The following SACS variants were observed in gnomAD, a reference collection of about 807,000 sequenced individuals.
The protein encoded by SACS is sacsin molecular chaperone, also known as sacsin.
Under a neutral mutation model 348.0 loss-of-function variants are expected in SACS, and 197 were observed. The ratio of observed to expected loss-of-function variants is 0.57; its 90% CI spans 0.50 to 0.64. The LOEUF is 0.64. Ranked by LOEUF, SACS falls within the 30% of genes least tolerant of loss-of-function variation. The pLI is 0.00. For missense variants in SACS, 4,999 were observed against 5,360.8 expected (o/e 0.93, Z 2.11); for synonymous variants, 1,985 against 1,910.6 (o/e 1.04, Z -1.02).
intron 2 of SACS, among the ~76,000 whole-genome samples, chr13:23,395,319 T>C (rs1872671992): frequency 6.6e-6 from 1 of 152,196 alleles, no homozygotes; most frequent in African/African-American, 2.4e-5. Context: ...CTAGGGCCAC[T>C]AGGGCATGCA....
intron 9 of SACS, among the ~76,000 whole-genome samples, chr13:23,342,959 C>T (rs1869362115): frequency 6.6e-6 from 1 of 152,196 alleles, no homozygotes; most frequent in Non-Finnish European, 1.5e-5. Flanking sequence ...AAATACAGAG[C>T]ATATTTACAA....
At chr13:23,410,747 T>A (rs1169272075) in intron 2 of SACS, among the ~76,000 whole-genome samples, 1 of 152,190 alleles carries the variant, frequency 6.6e-6, no homozygotes. Context: ...AGATAGCAAC[T>A]AAATTTGAGA....
At position 23,433,273 on chromosome 13, in the gene SACS, G is replaced by A. The variant is rs1047002205; in HGVS notation, c.-502+342C>T. ...CCCGGGTGGAAATTAAAATGACAAA[G>A]CGGCTAGTCCAGCATCTTGACCGCG... On this transcript the variant is annotated intron_variant, in intron 1 of 9. Transcript: ENST00000382292. Among the ~76,000 whole-genome samples the A allele has an allele frequency of 2.6e-5, 4 of 152,126 alleles. No individual in the cohort carries two copies. The East Asian group carries it at 7.7e-4, about 29-fold the overall frequency.
intron 9 of SACS, among the ~76,000 whole-genome samples, chr13:23,347,091 A>T (rs1869654748): frequency 1.3e-5 from 2 of 152,234 alleles, no homozygotes; most frequent in African/African-American, 4.8e-5. Flanking sequence ...AAGCAAAGAA[A>T]GAATTATGGA....
intron 9 of SACS, among the ~76,000 whole-genome samples, chr13:23,342,598 G>A (rs1869338658): frequency 6.6e-6 from 1 of 152,180 alleles, no homozygotes; most frequent in East Asian, 1.9e-4. Context: ...TGAGTGTCAT[G>A]TAGATACTTG....
intron 2 of SACS, among the ~76,000 whole-genome samples, chr13:23,383,038 C>A (rs960382425): frequency 6.9e-6 from 1 of 145,074 alleles, no homozygotes; most frequent in African/African-American, 2.6e-5. Flanking sequence ...TTTTTAAATT[C>A]ATTGGTAATT....
At position 23,410,753 on chromosome 13, in the gene SACS, T is replaced by C. The variant is rs1276618567; in HGVS notation, c.20+467A>G. Among the ~76,000 whole-genome samples, 2 of 152,194 alleles carry C rather than the reference T, an allele frequency of 1.3e-5. 1 individual carries two copies. Among genetic ancestry groups the C allele is most frequent in the African/African-American group, 4.8e-5 (2 of 41,464 alleles). On this transcript the variant is annotated intron_variant, in intron 2 of 9. Transcript: ENST00000382292. ...ATTCTTATAAGATAGCAACTAAATT[T>C]GAGAAAAAGAGCAAGCATTATATTT...
Position 23,355,376 on chromosome 13 carries a change from A to G in SACS, c.1236T>C (p.Asp412=), listed in dbSNP as rs752472671. 3 of 1,614,152 alleles carry G rather than the reference A, an allele frequency of 1.9e-6. No individual in the cohort carries two copies. The highest frequency in any genetic ancestry group is 1.7e-6 in the Non-Finnish European group (2 of 1,180,040). Residue 412 remains aspartate (D), a synonymous_variant, in exon 8 of 10, where the codon GAT becomes GAC. Coordinates refer to ENST00000382292, the MANE Select transcript of SACS (RefSeq NM_014363.6). ...GISSKLDSLA[D]ELKFVPIIGI... The stretch of plus-strand genomic sequence containing the variant: ...CAATGATTGGGACAAATTTCAGTTC[A>G]TCAGCTAAAGAGTCAAGCTTACTAC...
At chr13:23,417,279 T>C (rs1416586859) in intron 1 of SACS, among the ~76,000 whole-genome samples, 2 of 152,216 alleles carry the variant, frequency 1.3e-5, no homozygotes, top group African/African-American at 4.8e-5. Flanking sequence ...AAATTGATCT[T>C]GTAATTCAAA....
intron 9 of SACS, among the ~76,000 whole-genome samples, chr13:23,352,476 G>A (rs1870024476): frequency 6.6e-6 from 1 of 152,180 alleles, no homozygotes; most frequent in African/African-American, 2.4e-5. Context: ...TTTGGGGCTG[G>A]TAATCTTCTG....
chr13:23,340,745 T>C lies in SACS; in HGVS notation c.3131A>G (p.Gln1044Arg). The C allele has an allele frequency of 6.2e-7, 1 of 1,604,130 alleles. No homozygotes were observed. The highest frequency in any genetic ancestry group is 8.5e-7 in the Non-Finnish European group (1 of 1,176,108). Residue 1044 changes from glutamine (Q) to arginine (R), a missense_variant, in exon 10 of 10, where the codon CAG becomes CGG. This residue lies in a region of SACS where 3,156 missense variants were observed against 3,380.1 expected (regional missense o/e 0.93). Transcript: ENST00000382292. The stretch of plus-strand genomic sequence containing the variant: ...TTCACCAGCTGATACCATCTGTTCC[T>C]GTGATATCTGGATGAATTTTAATGG... ...LTPLKFIQIS[Q>R]EQMVSAGELF...
intron 2 of SACS, among the ~76,000 whole-genome samples, chr13:23,406,196 A>G (rs998401285): frequency 6.6e-6 from 1 of 152,234 alleles, no homozygotes; most frequent in Non-Finnish European, 1.5e-5. Context: ...AATACTATGC[A>G]GCCATAAAAA....
chr13:23,403,421 T>C (rs1312691935), intron 2 of SACS, among the ~76,000 whole-genome samples: 1 of 152,240 alleles, frequency 6.6e-6, no homozygotes, highest in Non-Finnish European at 1.5e-5. Context: ...TCTGCCTCAA[T>C]GTCAGAACTT....
At chr13:23,348,195 A>G (rs1869733590) in intron 9 of SACS, among the ~76,000 whole-genome samples, 1 of 152,184 alleles carries the variant, frequency 6.6e-6, no homozygotes, top group African/African-American at 2.4e-5. Flanking sequence ...AAAAAACAAA[A>G]ATCATAGCTT....
intron 3 of SACS, among the ~76,000 whole-genome samples, chr13:23,371,659 C>T (rs1026228501): frequency 1.3e-5 from 2 of 152,208 alleles, no homozygotes; most frequent in Admixed American, 1.3e-4. Context: ...TGAATGTAAA[C>T]AGCATATTGT....
intron 2 of SACS, among the ~76,000 whole-genome samples, chr13:23,380,122 C>CGTGTGTGTGTGTGTGT (rs34243922): frequency 0.021 from 2,467 of 116,162 alleles, 29 homozygotes; most frequent in East Asian, 0.031. Flanking sequence ...GGGATTCCCT[C>CGTGTGTGTGTGTGTGT]GTGTGTGTGT....
At chr13:23,400,800 G>A (rs1045490989) in intron 2 of SACS, among the ~76,000 whole-genome samples, 1 of 152,114 alleles carries the variant, frequency 6.6e-6, no homozygotes, top group Non-Finnish European at 1.5e-5. Context: ...CAAACCTCTT[G>A]ATATTTTTGA....
chr13:23,331,285 G>T lies in SACS; in HGVS notation c.12591C>A (p.Tyr4197Ter). The change falls in exon 10 of 10, where the codon TAC becomes TAA. Residue 4197 changes from tyrosine (Y) to a stop codon, truncating the protein, a stop_gained. Transcript: ENST00000382292. LOFTEE classifies it high-confidence loss of function. ...TAATTGCATATGTGTATGTTGGCTGGTATGATCCATAGATATCACCACCTT... is the reference window on the plus strand; with the variant it reads ...TAATTGCATATGTGTATGTTGGCTGTTATGATCCATAGATATCACCACCTT... ...DAEGGDIYGS[Y>*]QPTYTYAIIV... 6.2e-7 allele frequency: 1 copy of T among 1,613,822 alleles called. No homozygotes were observed. The highest frequency in any genetic ancestry group is 8.5e-7 in the Non-Finnish European group (1 of 1,179,920).
chr13:23,329,413 A>C lies in SACS; in HGVS notation c.*723T>G. The C allele has an allele frequency of 1.3e-6, 1 of 763,904 alleles. No homozygotes were observed. Among genetic ancestry groups the C allele is most frequent in the Non-Finnish European group, 2.4e-6 (1 of 413,078 alleles). The allele number at this position is 763,904 out of a possible 1,614,324, so 47.3% of individuals were successfully genotyped here. On this transcript the variant is annotated 3_prime_UTR_variant, in exon 10 of 10. Transcript: ENST00000382292. The stretch of plus-strand genomic sequence containing the variant: ...GTCTTGGCAAGCAGTTTCCAGAAAC[A>C]ATACTAACAACTGGTAATAAGAACT...
Sources: allele counts gnomAD v4.1 joint callset (sites outside exome capture counted in the v4.1 genomes callset), GRCh38; gene constraint gnomAD v4.1.1; regional missense constraint gnomAD v4.1.1; transcripts MANE v1.5; gene names NCBI Gene and HGNC (gene_info 2026-07-23, HGNC 2026-07-21).